The following ARHGAP24 variants were observed in gnomAD, a reference collection of about 807,000 sequenced individuals.
The protein encoded by ARHGAP24 is Rho GTPase activating protein 24, also known as rho GTPase-activating protein 24.
In ARHGAP24, 50 loss-of-function variants were observed where a neutral mutation model predicts 76.4. The observed-to-expected ratio is 0.65, with a 90% CI of 0.52 to 0.83. The LOEUF (loss-of-function observed/expected upper bound fraction) is 0.83. ARHGAP24 is among the 40% of genes least tolerant of loss of function. ARHGAP24 has a pLI of 0.00. For missense variants in ARHGAP24, 930 were observed against 914.2 expected (o/e 1.02, Z -0.22); for synonymous variants, 345 against 323.3 (o/e 1.07, Z -0.72).
At chr4:85,777,354 G>A (rs1327483845) in intron 3 of ARHGAP24, among the ~76,000 whole-genome samples, 2 of 152,102 alleles carry the variant, frequency 1.3e-5, no homozygotes, top group Non-Finnish European at 2.9e-5. Context: ...TTAAAGAATA[G>A]GTAACAGTTT....
chr4:85,852,053 T>TG (rs1731265267), intron 3 of ARHGAP24, among the ~76,000 whole-genome samples: 1 of 152,200 alleles, frequency 6.6e-6, no homozygotes, highest in Non-Finnish European at 1.5e-5. Flanking sequence ...TTTTCCAGCT[T>TG]GGTTCCATTC....
At chr4:85,584,847 T>A (rs1384530389) in intron 2 of ARHGAP24, among the ~76,000 whole-genome samples, 2 of 152,122 alleles carry the variant, frequency 1.3e-5, no homozygotes, top group Non-Finnish European at 2.9e-5. Context: ...CCTATCCTCT[T>A]TGAAATCATG....
At chr4:85,692,107 A>C (rs544218328) in intron 2 of ARHGAP24, among the ~76,000 whole-genome samples, 7 of 152,252 alleles carry the variant, frequency 4.6e-5, no homozygotes, top group African/African-American at 1.7e-4. Context: ...GTGGGATATA[A>C]AATTCTTGGT....
At chr4:85,979,831 G>A (rs527651944) in intron 8 of ARHGAP24, among the ~76,000 whole-genome samples, 2 of 152,130 alleles carry the variant, frequency 1.3e-5, no homozygotes, top group East Asian at 3.9e-4. Context: ...TGTCTTCCCA[G>A]TATACGTATT....
At chr4:85,694,695 A>T (rs1723807359) in intron 2 of ARHGAP24, among the ~76,000 whole-genome samples, 1 of 152,176 alleles carries the variant, frequency 6.6e-6, no homozygotes, top group Non-Finnish European at 1.5e-5. Flanking sequence ...GTTTTACATA[A>T]CAGATATATA....
intron 3 of ARHGAP24, among the ~76,000 whole-genome samples, chr4:85,766,808 C>T (rs554129286): frequency 6.6e-6 from 1 of 152,278 alleles, no homozygotes; most frequent in Admixed American, 6.5e-5. Context: ...ACCTGCCTTT[C>T]ACTCCTCCTC....
intron 1 of ARHGAP24, among the ~76,000 whole-genome samples, chr4:85,564,478 A>G (rs539745259): frequency 3.3e-5 from 5 of 151,896 alleles, no homozygotes; most frequent in Non-Finnish European, 5.9e-5. Context: ...CCAACATGGC[A>G]CATGTATACA....
intron 3 of ARHGAP24, among the ~76,000 whole-genome samples, chr4:85,835,647 G>C (rs572029940): frequency 6.6e-6 from 1 of 151,984 alleles, no homozygotes; most frequent in African/African-American, 2.4e-5. Context: ...AGGTGGAAAG[G>C]ATGTGAAGCG....
At chr4:85,781,406 A>G (rs1357605656) in intron 3 of ARHGAP24, among the ~76,000 whole-genome samples, 2 of 150,320 alleles carry the variant, frequency 1.3e-5, no homozygotes, top group African/African-American at 4.8e-5. Flanking sequence ...TCTACAAAAG[A>G]AAAAAACTGG....
chr4:85,794,198 A>G (rs1178580177), intron 3 of ARHGAP24, among the ~76,000 whole-genome samples: 1 of 152,212 alleles, frequency 6.6e-6, no homozygotes, highest in East Asian at 1.9e-4. Context: ...TTGTAAGAGT[A>G]GTTTCCAACA....
At position 85,546,691 on chromosome 4, in the gene ARHGAP24, A is replaced by G. The variant is rs1296454098; in HGVS notation, c.-20-23831A>G. Among the ~76,000 whole-genome samples, 3 of 152,306 alleles carry G rather than the reference A, an allele frequency of 2.0e-5. No individual in the cohort carries two copies. In the East Asian group the frequency reaches 5.8e-4, roughly 29 times the overall value. ...ATAGTAACCTTTCAATTATAATAGC[A>G]CTACTTGAAACCTATTGGTGGTGGT... On this transcript the variant is annotated intron_variant, in intron 1 of 9. Coordinates refer to ENST00000395184, the MANE Select transcript of ARHGAP24 (RefSeq NM_001025616.3).
At chr4:85,676,143 C>G (rs1722972093) in intron 2 of ARHGAP24, among the ~76,000 whole-genome samples, 1 of 152,056 alleles carries the variant, frequency 6.6e-6, no homozygotes, top group Non-Finnish European at 1.5e-5. Context: ...GAACAGAATG[C>G]TCTTGTGAAC....
rs534625832 is a variant in ARHGAP24 at position 85,486,543 on chromosome 4, C to T, written c.-21+10984C>T. Among the ~76,000 whole-genome samples the T allele has an allele frequency of 3.3e-5, 5 of 152,272 alleles. No individual in the cohort carries two copies. The South Asian group carries it at 6.2e-4, about 19-fold the overall frequency. On this transcript the variant is annotated intron_variant, in intron 1 of 9. Coordinates refer to ENST00000395184, the MANE Select transcript of ARHGAP24 (RefSeq NM_001025616.3). Reference sequence around the variant, plus strand: ...TCAGTAAAACAAATGCAAACAATATCTAAGATGACAACTGGTGTTTATGAT... The same window carrying T: ...TCAGTAAAACAAATGCAAACAATATTTAAGATGACAACTGGTGTTTATGAT...
chr4:85,619,280 C>T (rs917298403), intron 2 of ARHGAP24, among the ~76,000 whole-genome samples: 6 of 151,850 alleles, frequency 4.0e-5, no homozygotes, highest in Non-Finnish European at 7.4e-5. Flanking sequence ...ACTATAAATG[C>T]ATCCATTTAT....
intron 3 of ARHGAP24, among the ~76,000 whole-genome samples, chr4:85,859,383 T>C (rs1440873648): frequency 2.0e-5 from 3 of 152,050 alleles, no homozygotes; most frequent in Admixed American, 1.3e-4. Context: ...GAACCTTAAA[T>C]AAATTTACTT....
chr4:85,556,157 C>T (rs1726354967), intron 1 of ARHGAP24, among the ~76,000 whole-genome samples: 1 of 151,916 alleles, frequency 6.6e-6, no homozygotes, highest in South Asian at 2.1e-4. Flanking sequence ...TTTGAGGGCT[C>T]ACAGAGAGGA....
Position 85,638,065 on chromosome 4 carries a change from G to T in ARHGAP24, c.180+67344G>T, listed in dbSNP as rs542374314. Among the ~76,000 whole-genome samples the T allele has an allele frequency of 2.6e-5, 4 of 152,118 alleles. No homozygotes were observed. The South Asian group carries it at 8.3e-4, about 32-fold the overall frequency. On this transcript the variant is annotated intron_variant, in intron 2 of 9. Transcript: ENST00000395184. ...TCCTTAGTAATCAGCACCAGGGCAG[G>T]CCAGGAATATGGCAAAGCCTTGTAA...
At chr4:85,688,770 G>T (rs1054572312) in intron 2 of ARHGAP24, among the ~76,000 whole-genome samples, 6 of 152,048 alleles carry the variant, frequency 3.9e-5, no homozygotes, top group Non-Finnish European at 8.8e-5. Context: ...AAAGGAAGGG[G>T]TCCAGTTTCA....
At chr4:85,844,502 T>C (rs974120545) in intron 3 of ARHGAP24, among the ~76,000 whole-genome samples, 2 of 152,208 alleles carry the variant, frequency 1.3e-5, no homozygotes, top group African/African-American at 4.8e-5. Context: ...GAGTTAGCAG[T>C]TGTTAGTAAC....
Sources: allele counts gnomAD v4.1 joint callset (sites outside exome capture counted in the v4.1 genomes callset), GRCh38; gene constraint gnomAD v4.1.1; transcripts MANE v1.5; gene names NCBI Gene and HGNC (gene_info 2026-07-23, HGNC 2026-07-21).